The following PHACTR1 variants were observed in gnomAD, a reference collection of about 807,000 sequenced individuals.
PHACTR1 encodes RPEL repeat containing 1.
PHACTR1 carries 16 observed loss-of-function variants against 69.2 expected under a neutral mutation model. The ratio of observed to expected loss-of-function variants is 0.23; its 90% CI spans 0.16 to 0.35. The LOEUF is 0.35. Among genes scored for constraint, PHACTR1 ranks in the 10% least tolerant of loss-of-function variants. The pLI, the probability that PHACTR1 is intolerant of heterozygous loss-of-function variation, is 1.00. For synonymous variants in PHACTR1, 312 were observed against 284.5 expected (o/e 1.10, Z -0.97); for missense variants, 510 against 734.7 (o/e 0.69, Z 3.54).
intron 3 of PHACTR1, among the ~76,000 whole-genome samples, chr6:12,719,642 A>G (rs886068780): frequency 6.6e-6 from 1 of 152,260 alleles, no homozygotes; most frequent in Non-Finnish European, 1.5e-5. Context: ...ATTTTAAAAT[A>G]GAAAAGCAGT....
At chr6:12,790,044 T>C (rs1772063158) in intron 4 of PHACTR1, among the ~76,000 whole-genome samples, 2 of 152,236 alleles carry the variant, frequency 1.3e-5, no homozygotes, top group East Asian at 1.9e-4. Context: ...TTTACTCTGA[T>C]AACCTCTGAA....
intron 7 of PHACTR1, among the ~76,000 whole-genome samples, chr6:13,194,489 A>G (rs1397128226): frequency 6.6e-6 from 1 of 152,060 alleles, no homozygotes; most frequent in East Asian, 1.9e-4. Context: ...AAGAAAAAAA[A>G]AAAAACTAAC....
chr6:13,122,206 T>C (rs1348959325), intron 5 of PHACTR1, among the ~76,000 whole-genome samples: 2 of 152,234 alleles, frequency 1.3e-5, no homozygotes, highest in Non-Finnish European at 2.9e-5. Context: ...TAAGAAAACA[T>C]TTTTAAGAGT....
intron 4 of PHACTR1, among the ~76,000 whole-genome samples, chr6:12,853,778 CCT>C (rs1554151719): frequency 1.3e-5 from 2 of 152,144 alleles, no homozygotes; most frequent in Non-Finnish European, 2.9e-5. Flanking sequence ...AAACTGCCCC[CCT>C]GATTCAGTTA....
intron 4 of PHACTR1, among the ~76,000 whole-genome samples, chr6:12,850,263 C>G (rs1042086381): frequency 2.0e-5 from 3 of 152,256 alleles, no homozygotes; most frequent in Non-Finnish European, 4.4e-5. Flanking sequence ...TACTGCTGCC[C>G]TAGCCTACAG....
chr6:13,029,092 A>C (rs1445560629), intron 4 of PHACTR1, among the ~76,000 whole-genome samples: 1 of 152,180 alleles, frequency 6.6e-6, no homozygotes, highest in Non-Finnish European at 1.5e-5. Context: ...ATTTATCTCA[A>C]TTTGGTAGAA....
At chr6:12,868,086 A>G (rs1325281428) in intron 4 of PHACTR1, among the ~76,000 whole-genome samples, 2 of 152,026 alleles carry the variant, frequency 1.3e-5, no homozygotes, top group Admixed American at 6.5e-5. Flanking sequence ...GCGAAATCCC[A>G]TCTCTACTAA....
chr6:13,106,608 G>T (rs1816185638), intron 5 of PHACTR1, among the ~76,000 whole-genome samples: 2 of 152,118 alleles, frequency 1.3e-5, no homozygotes, highest in South Asian at 4.1e-4. Flanking sequence ...CTCCTAAGGA[G>T]CTGGGACTAC....
intron 3 of PHACTR1, among the ~76,000 whole-genome samples, chr6:12,730,593 C>T (rs1763377590): frequency 1.3e-5 from 2 of 152,136 alleles, no homozygotes; most frequent in South Asian, 2.1e-4. Flanking sequence ...AAAAATAGAC[C>T]TTCCTTTTTA....
Position 12,839,088 on chromosome 6 carries a change from C to T in PHACTR1, c.250+89298C>T, listed in dbSNP as rs149213566. Among the ~76,000 whole-genome samples the T allele has an allele frequency of 5.5e-3, 837 of 152,188 alleles. 7 individuals are homozygous for T. Among genetic ancestry groups the T allele is most frequent in the African/African-American group, 0.019 (809 of 41,524 alleles). ...TATTTCTATTTCACAAATGTAGAAA[C>T]GGCCTTAGAGAGAATTAGGTCACAT... On this transcript the variant is annotated intron_variant, in intron 4 of 14. Transcript: ENST00000332995.
At chr6:12,933,737 C>T (rs78704568) in intron 4 of PHACTR1, 2 of 1,612,712 alleles carry the variant, frequency 1.2e-6, no homozygotes, top group Non-Finnish European at 1.7e-6. Context: ...AAACCACGGC[C>T]TCCTGAAGAC....
intron 4 of PHACTR1, among the ~76,000 whole-genome samples, chr6:12,928,626 T>G (rs184554007): frequency 0.031 from 1,023 of 32,534 alleles, 19 homozygotes; most frequent in African/African-American, 0.16. Flanking sequence ...CACCCATCCA[T>G]CCATCCATCC....
At chr6:12,873,756 G>A (rs970556921) in intron 4 of PHACTR1, among the ~76,000 whole-genome samples, 2 of 152,200 alleles carry the variant, frequency 1.3e-5, no homozygotes, top group East Asian at 1.9e-4. Flanking sequence ...AGGCCAAAGA[G>A]TGTGAATGGG....
intron 3 of PHACTR1, among the ~76,000 whole-genome samples, chr6:12,721,812 G>A (rs903640319): frequency 2.0e-5 from 3 of 152,130 alleles, no homozygotes; most frequent in Non-Finnish European, 4.4e-5. Flanking sequence ...CACCCCTTAG[G>A]CCTAATAAAG....
chr6:13,108,361 A>C (rs1437883003), intron 5 of PHACTR1, among the ~76,000 whole-genome samples: 3 of 152,086 alleles, frequency 2.0e-5, no homozygotes, highest in South Asian at 2.1e-4. Context: ...AATTTGGAGT[A>C]AAGTATCTGA....
At chr6:12,875,087 A>G (rs1009560979) in intron 4 of PHACTR1, among the ~76,000 whole-genome samples, 1 of 152,276 alleles carries the variant, frequency 6.6e-6, no homozygotes, top group Non-Finnish European at 1.5e-5. Context: ...AACCAAGCTT[A>G]CAGGGCACAT....
intron 4 of PHACTR1, among the ~76,000 whole-genome samples, chr6:13,022,179 A>G (rs1051219729): frequency 2.0e-5 from 3 of 152,262 alleles, no homozygotes; most frequent in African/African-American, 7.2e-5. Flanking sequence ...TTGGGCAAAG[A>G]TGAACACCCA....
intron 4 of PHACTR1, among the ~76,000 whole-genome samples, chr6:12,775,797 A>G (rs9472512): frequency 0.072 from 11,013 of 152,244 alleles, 494 homozygotes; most frequent in Admixed American, 0.1. Context: ...CTGTACAACC[A>G]GGCTTACCTA....
intron 3 of PHACTR1, among the ~76,000 whole-genome samples, chr6:12,743,523 C>T (rs1765345252): frequency 6.6e-6 from 1 of 152,156 alleles, no homozygotes; most frequent in Admixed American, 6.5e-5. Flanking sequence ...TGATTCCTCT[C>T]CTCTTGAGGT....
Sources: gnomAD v4.1 joint callset for allele counts (sites outside exome capture counted in the v4.1 genomes callset) on GRCh38, gnomAD v4.1.1 for gene constraint, MANE v1.5 for transcripts, NCBI Gene and HGNC (gene_info 2026-07-23, HGNC 2026-07-21) for gene names.